Variants in SND1 observed in about 807,000 individuals in gnomAD.
The protein encoded by SND1 is staphylococcal nuclease and tudor domain containing 1.
A neutral mutation model predicts 121.7 loss-of-function variants in SND1; 38 were observed. The ratio of observed to expected loss-of-function variants is 0.31; its 90% CI spans 0.24 to 0.41. The LOEUF (loss-of-function observed/expected upper bound fraction) is 0.41. SND1 is among the 10% of genes least tolerant of loss of function. The pLI is 1.00. For missense variants in SND1, 868 were observed against 1,184.6 expected (o/e 0.73, Z 3.92); for synonymous variants, 401 against 447.4 (o/e 0.90, Z 1.31).
intron 16 of SND1, among the ~76,000 whole-genome samples, chr7:128,074,244 G>A (rs1584774406): frequency 6.6e-6 from 1 of 151,838 alleles, no homozygotes; most frequent in African/African-American, 2.4e-5. Flanking sequence ...CTCTCTCTCA[G>A]GTTAAGGAGA....
intron 15 of SND1, among the ~76,000 whole-genome samples, chr7:127,980,456 C>G (rs1423433036): frequency 6.6e-6 from 1 of 152,144 alleles, no homozygotes; most frequent in Non-Finnish European, 1.5e-5. Context: ...AGGTGAAGGA[C>G]TCTTGCTAAG....
intron 10 of SND1, among the ~76,000 whole-genome samples, chr7:127,803,528 A>G (rs1798174584): frequency 6.6e-6 from 1 of 152,214 alleles, no homozygotes. Context: ...AAAATTTACC[A>G]TCTTCACCAT....
chr7:128,078,526 T>C (rs1562891670), intron 17 of SND1, among the ~76,000 whole-genome samples: 1 of 152,226 alleles, frequency 6.6e-6, no homozygotes, highest in African/African-American at 2.4e-5. Context: ...GGCACCTTGT[T>C]ACAGGACTGG....
chr7:127,783,482 A>G (rs1267320668), intron 10 of SND1, among the ~76,000 whole-genome samples: 1 of 152,214 alleles, frequency 6.6e-6, no homozygotes, highest in Non-Finnish European at 1.5e-5. Flanking sequence ...GTTTGATGTC[A>G]TAGGGAGATG....
intron 3 of SND1, among the ~76,000 whole-genome samples, chr7:127,697,918 G>A (rs1796035261): frequency 6.6e-6 from 1 of 152,114 alleles, no homozygotes; most frequent in Admixed American, 6.5e-5. Flanking sequence ...CTTGGAGCTT[G>A]TTCTCTGCCA....
chr7:127,809,267 T>A (rs1406090247), intron 11 of SND1, among the ~76,000 whole-genome samples: 1 of 152,212 alleles, frequency 6.6e-6, no homozygotes, highest in Non-Finnish European at 1.5e-5. Flanking sequence ...GCAACAGAGT[T>A]GATTGTATTC....
Position 128,029,129 on chromosome 7 carries a change from C to T in SND1, c.1779+38073C>T, listed in dbSNP as rs1792493895. 3 of 1,613,990 alleles carry T rather than the reference C, an allele frequency of 1.9e-6. No homozygotes were observed. Among genetic ancestry groups the T allele is most frequent in the African/African-American group, 1.3e-5 (1 of 74,882 alleles). ...CAGTGGTGTCTGTCGCGGGTACTGCCACCTGCTTGGGCACACGGGTAGTCT... is the reference window on the plus strand; with the variant it reads ...CAGTGGTGTCTGTCGCGGGTACTGCTACCTGCTTGGGCACACGGGTAGTCT... On this transcript the variant is annotated intron_variant, in intron 16 of 23. Coordinates refer to ENST00000354725, the MANE Select transcript of SND1 (RefSeq NM_014390.4). This position sits in a 1 kb window ranked among gnomAD's most constrained non-coding sequence, Gnocchi z 4.2.
chr7:127,810,102 TA>T (rs1798307186), intron 11 of SND1, among the ~76,000 whole-genome samples: 1 of 151,640 alleles, frequency 6.6e-6, no homozygotes, highest in South Asian at 2.1e-4. Context: ...CTTTTTCAGT[TA>T]TGATATATTC....
chr7:127,840,830 C>T (rs1233563098), intron 11 of SND1, among the ~76,000 whole-genome samples: 1 of 152,118 alleles, frequency 6.6e-6, no homozygotes, highest in Non-Finnish European at 1.5e-5. Flanking sequence ...TTCTCCGGGC[C>T]TCATTTGTAT....
intron 12 of SND1, among the ~76,000 whole-genome samples, chr7:127,851,954 C>T (rs935727969): frequency 3.3e-5 from 5 of 151,948 alleles, no homozygotes; most frequent in African/African-American, 1.2e-4. Context: ...CCCAGGAGTT[C>T]GAATCCAGCC....
chr7:128,045,828 G>A (rs776726545), intron 16 of SND1, among the ~76,000 whole-genome samples: 7 of 152,148 alleles, frequency 4.6e-5, no homozygotes, highest in Non-Finnish European at 1.0e-4. Flanking sequence ...CAAGATGATT[G>A]CCATAGCTCT....
chr7:127,788,659 T>G (rs1797856735), intron 10 of SND1, among the ~76,000 whole-genome samples: 1 of 152,230 alleles, frequency 6.6e-6, no homozygotes. Context: ...CATGTTTTGG[T>G]CTTCAGAAAT....
intron 16 of SND1, among the ~76,000 whole-genome samples, chr7:128,022,407 T>TG (rs1317545186): frequency 3.9e-5 from 6 of 152,288 alleles, no homozygotes; most frequent in African/African-American, 1.4e-4. Flanking sequence ...GAGAGTAGCC[T>TG]CTCATATCAA....
At chr7:128,045,920 A>G (rs757302310) in intron 16 of SND1, among the ~76,000 whole-genome samples, 1 of 152,264 alleles carries the variant, frequency 6.6e-6, no homozygotes, top group South Asian at 2.1e-4. Flanking sequence ...AAGTTTAAAA[A>G]GAAAAAAATC....
At chr7:127,784,283 A>G (rs781384216) in intron 10 of SND1, among the ~76,000 whole-genome samples, 9 of 152,178 alleles carry the variant, frequency 5.9e-5, no homozygotes, top group South Asian at 2.1e-4. Context: ...TGCATTCTAC[A>G]GGTTAACGTC....
At chr7:127,905,976 T>A (rs1800327868) in intron 14 of SND1, among the ~76,000 whole-genome samples, 1 of 152,146 alleles carries the variant, frequency 6.6e-6, no homozygotes, top group Non-Finnish European at 1.5e-5. Context: ...CCAGGCCTGG[T>A]GGAGGCTTTT....
At chr7:127,754,673 C>G (rs866701114) in intron 10 of SND1, among the ~76,000 whole-genome samples, 5 of 152,228 alleles carry the variant, frequency 3.3e-5, no homozygotes, top group Admixed American at 1.3e-4. Context: ...GTACTGAACA[C>G]TACATGGCCA....
At chr7:128,054,770 C>T (rs992493758) in intron 16 of SND1, among the ~76,000 whole-genome samples, 1 of 152,186 alleles carries the variant, frequency 6.6e-6, no homozygotes, top group African/African-American at 2.4e-5. Context: ...ACAATCATTT[C>T]CCAAGCTCAC....
At chr7:127,690,488 A>T (rs758921373) in intron 2 of SND1, among the ~76,000 whole-genome samples, 12 of 152,180 alleles carry the variant, frequency 7.9e-5, no homozygotes, top group Non-Finnish European at 1.8e-4. Context: ...GCCACTTAAG[A>T]AATCACACCT....
Sources: allele counts gnomAD v4.1 joint callset (sites outside exome capture counted in the v4.1 genomes callset), GRCh38; gene constraint gnomAD v4.1.1; non-coding constraint Gnocchi (gnomAD v3.1); transcripts MANE v1.5; gene names NCBI Gene and HGNC (gene_info 2026-07-23, HGNC 2026-07-21).